Variants in XXYLT1 observed in about 807,000 individuals in gnomAD.
The protein encoded by XXYLT1 is xyloside xylosyltransferase 1.
In XXYLT1, 20 loss-of-function variants were observed where a neutral mutation model predicts 28.9. The observed-to-expected ratio is 0.69, with a 90% CI of 0.49 to 1.00. The LOEUF (loss-of-function observed/expected upper bound fraction) is 1.00, where lower values mean the gene tolerates loss of function less well. XXYLT1 is among the 50% of genes least tolerant of loss of function. The probability of loss-of-function intolerance (pLI) is 0.00; values close to 1 mark genes in which losing one functional copy is unlikely to be tolerated. For missense variants in XXYLT1, 542 were observed against 560.1 expected (o/e 0.97, Z 0.33); for synonymous variants, 257 against 253.8 (o/e 1.01, Z -0.12).
chr3:195,194,375 TATACAC>T (rs1472786632), intron 2 of XXYLT1, among the ~76,000 whole-genome samples: 8 of 152,086 alleles, frequency 5.3e-5, no homozygotes, highest in Admixed American at 2.6e-4. Flanking sequence ...GAGATACCTT[TATACAC>T]TCCCAGAATG....
intron 3 of XXYLT1, among the ~76,000 whole-genome samples, chr3:195,146,212 T>C (rs1421248115): frequency 6.6e-6 from 1 of 152,230 alleles, no homozygotes; most frequent in Non-Finnish European, 1.5e-5. Flanking sequence ...AGCTCAGTCC[T>C]TTCCACACGT....
rs1474095873 is a variant in XXYLT1, at chr3:195,076,822, T to C, written c.786-6711A>G. Among the ~76,000 whole-genome samples, 6 of 152,110 alleles carry C rather than the reference T, an allele frequency of 3.9e-5. No homozygotes were observed. Among genetic ancestry groups the C allele is most frequent in the Non-Finnish European group, 8.8e-5 (6 of 68,020 alleles). On this transcript the variant is annotated intron_variant, in intron 3 of 3. Transcript: ENST00000310380. The surrounding 1 kb of genome is among the most constrained non-coding windows in gnomAD (Gnocchi z 5.3). ...GCGTGCACGTGCCTCTGTGTCCACA[T>C]TGCCCCTTTCTATCAAGACGCCAGC...
At chr3:195,143,727 T>C (rs1019175369) in intron 3 of XXYLT1, among the ~76,000 whole-genome samples, 1 of 148,416 alleles carries the variant, frequency 6.7e-6, no homozygotes, top group African/African-American at 2.5e-5. Context: ...TGTTGCAGTA[T>C]GTTACATTTA....
At chr3:195,088,420 G>GCACGCTGA (rs550681836) in intron 3 of XXYLT1, among the ~76,000 whole-genome samples, 1 of 145,264 alleles carries the variant, frequency 6.9e-6, no homozygotes, top group African/African-American at 2.5e-5. Context: ...CCCCAGCGGG[G>GCACGCTGA]CACCTCACAG....
Position 195,271,098 on chromosome 3 carries a change from G to T in XXYLT1, c.-40C>A. The T allele has an allele frequency of 7.7e-7, 1 of 1,304,014 alleles. No individual in the cohort carries two copies. Among genetic ancestry groups the T allele is most frequent in the Non-Finnish European group, 9.7e-7 (1 of 1,029,636 alleles). 80.8% of individuals were successfully genotyped at this position (1,304,014 alleles called of 1,614,324 possible). A position where few individuals can be genotyped will look rare whatever the true frequency, so the allele number is the denominator to read the frequency against. On this transcript the variant is annotated 5_prime_UTR_variant, in exon 1 of 4. Transcript: ENST00000310380. ...CGGCGCCAGCGGTGCCAGCAACGCG[G>T]GAGAGCCCTCGGGTACCCGGACGCC...
chr3:195,182,210 T>A (rs1387424182), intron 2 of XXYLT1, among the ~76,000 whole-genome samples: 1 of 152,206 alleles, frequency 6.6e-6, no homozygotes, highest in South Asian at 2.1e-4. Flanking sequence ...GAAACTACCA[T>A]ATCCGCCTTC....
chr3:195,133,630 C>T lies in XXYLT1; in HGVS notation c.785+22819G>A, dbSNP rs912733153. On this transcript the variant is annotated intron_variant, in intron 3 of 3. Transcript: ENST00000310380. The surrounding 1 kb of genome is among the most constrained non-coding windows in gnomAD (Gnocchi z 4.4). ...GAGGCGGACGAGCTGCTGTGCCAAACGCTCCCAGATGCACACTCTCGGCAA... is the reference window on the plus strand; with the variant it reads ...GAGGCGGACGAGCTGCTGTGCCAAATGCTCCCAGATGCACACTCTCGGCAA... Among the ~76,000 whole-genome samples the T allele has an allele frequency of 3.9e-5, 6 of 152,124 alleles. No individual in the cohort carries two copies. The highest frequency in any genetic ancestry group is 6.5e-5 in the Admixed American group (1 of 15,276).
At chr3:195,171,320 G>A (rs901406417) in intron 2 of XXYLT1, among the ~76,000 whole-genome samples, 7 of 152,208 alleles carry the variant, frequency 4.6e-5, no homozygotes, top group Admixed American at 2.6e-4. Flanking sequence ...TGTTACCAGC[G>A]TCCGCACACA....
At chr3:195,244,836 A>G (rs1158305096) in intron 1 of XXYLT1, among the ~76,000 whole-genome samples, 1 of 140,396 alleles carries the variant, frequency 7.1e-6, no homozygotes, top group African/African-American at 2.6e-5. Flanking sequence ...CAAATACAAC[A>G]TGAGACTCTG....
chr3:195,219,022 G>A (rs990325751), intron 2 of XXYLT1, among the ~76,000 whole-genome samples: 1 of 152,118 alleles, frequency 6.6e-6, no homozygotes, highest in African/African-American at 2.4e-5. Flanking sequence ...GTAGGGACAT[G>A]GATGAAATTG....
At chr3:195,214,286 C>T (rs1486563689) in intron 2 of XXYLT1, among the ~76,000 whole-genome samples, 2 of 152,150 alleles carry the variant, frequency 1.3e-5, no homozygotes, top group Admixed American at 6.5e-5. Flanking sequence ...CAACAGGGTC[C>T]TGGAATCACA....
intron 3 of XXYLT1, among the ~76,000 whole-genome samples, chr3:195,099,482 A>G (rs1716645195): frequency 1.3e-5 from 2 of 152,246 alleles, no homozygotes. Context: ...AGGTGTTCAC[A>G]AGCCCCTTTC....
intron 3 of XXYLT1, among the ~76,000 whole-genome samples, chr3:195,143,988 A>G (rs1258209818): frequency 4.8e-5 from 7 of 146,652 alleles, no homozygotes; most frequent in African/African-American, 1.7e-4. Flanking sequence ...CTCTGCTTCC[A>G]GGTTCAAGCA....
intron 2 of XXYLT1, among the ~76,000 whole-genome samples, chr3:195,192,381 CGCCACTGCACTCCA>C (rs1342205552): frequency 6.6e-6 from 1 of 150,672 alleles, no homozygotes; most frequent in Non-Finnish European, 1.5e-5. Flanking sequence ...ACCAAGATCA[CGCCACTGCACTCCA>C]GCCTGGGTAA....
At chr3:195,227,959 G>C (rs1724127400) in intron 1 of XXYLT1, among the ~76,000 whole-genome samples, 1 of 152,194 alleles carries the variant, frequency 6.6e-6, no homozygotes, top group Non-Finnish European at 1.5e-5. Context: ...CCATGTACTG[G>C]TCCCACAGGT....
intron 3 of XXYLT1, among the ~76,000 whole-genome samples, chr3:195,131,093 A>G (rs924711668): frequency 5.3e-5 from 8 of 151,800 alleles, no homozygotes; most frequent in Admixed American, 2.0e-4. Flanking sequence ...GGACCCAAAC[A>G]GTGTTCTCCC....
chr3:195,206,639 C>A (rs1015855969), intron 2 of XXYLT1, among the ~76,000 whole-genome samples: 3 of 151,526 alleles, frequency 2.0e-5, no homozygotes, highest in East Asian at 3.9e-4. Context: ...CGTGGTGGCA[C>A]GTGCCTGTAA....
intron 1 of XXYLT1, among the ~76,000 whole-genome samples, chr3:195,252,727 C>CAGAGAGAG (rs10649695): frequency 8.4e-5 from 10 of 119,084 alleles, no homozygotes; most frequent in African/African-American, 3.6e-4. Context: ...CACACACACA[C>CAGAGAGAG]AGAGAGAGAG....
rs191130508 is a variant in XXYLT1, at chr3:195,108,809, G to A, written c.786-38698C>T. Among the ~76,000 whole-genome samples, 6 of 152,338 alleles carry A rather than the reference G, an allele frequency of 3.9e-5. No individual in the cohort carries two copies. The East Asian group carries it at 1.2e-3, about 29-fold the overall frequency. ...ACCACCATCATATATTGACCAAAAT[G>A]TTACGCAGCATGTGACTATAACTCA... On this transcript the variant is annotated intron_variant, in intron 3 of 3. Coordinates refer to ENST00000310380, the MANE Select transcript of XXYLT1 (RefSeq NM_152531.5).
Sources: allele counts gnomAD v4.1 joint callset (sites outside exome capture counted in the v4.1 genomes callset), GRCh38; gene constraint gnomAD v4.1.1; non-coding constraint Gnocchi (gnomAD v3.1); transcripts MANE v1.5; gene names NCBI Gene and HGNC (gene_info 2026-07-23, HGNC 2026-07-21).